The following CLASP1 variants were observed in gnomAD, a reference collection of about 807,000 sequenced individuals.
The protein encoded by CLASP1 is cytoplasmic linker associated protein 1, also known as CLIP-associating protein 1.
CLASP1 carries 38 observed loss-of-function variants against 192.3 expected under a neutral mutation model. The ratio of observed to expected loss-of-function variants is 0.20; its 90% CI spans 0.15 to 0.26. CLASP1 has a LOEUF of 0.26. Ranked by LOEUF, CLASP1 falls within the 10% of genes least tolerant of loss-of-function variation. The probability of loss-of-function intolerance (pLI) is 1.00; values close to 1 mark genes in which losing one functional copy is unlikely to be tolerated. For synonymous variants in CLASP1, 691 were observed against 712.8 expected, an observed-to-expected ratio of 0.97 and a Z score of 0.49; for missense variants, 1,433 against 1,932.5, an observed-to-expected ratio of 0.74 and a Z score of 4.85.
At chr2:121,609,095 G>T (rs1460127612) in intron 1 of CLASP1, among the ~76,000 whole-genome samples, 1 of 152,154 alleles carries the variant, frequency 6.6e-6, no homozygotes, top group African/African-American at 2.4e-5. Context: ...AACATTATTA[G>T]AAGTCTTAGC....
chr2:121,462,291 G>T (rs1332249007), intron 10 of CLASP1, among the ~76,000 whole-genome samples: 1 of 148,654 alleles, frequency 6.7e-6, no homozygotes. Flanking sequence ...TCTCTTTTAT[G>T]TGACCTGATC....
chr2:121,447,622 G>A (rs2084607649), intron 18 of CLASP1, 115 bp from the exon 19 acceptor site: 1 of 899,130 alleles, frequency 1.1e-6, no homozygotes, highest in Non-Finnish European at 1.7e-6. Flanking sequence ...TTTAACAAAT[G>A]CTGGAGCATA....
chr2:121,347,627 C>T (rs925957692), intron 38 of CLASP1, among the ~76,000 whole-genome samples: 3 of 152,224 alleles, frequency 2.0e-5, no homozygotes, highest in Non-Finnish European at 2.9e-5. Context: ...TGCTGGGGAA[C>T]GTCTGGTCCC....
intron 11 of CLASP1, among the ~76,000 whole-genome samples, chr2:121,460,785 C>CA (rs1370970275): frequency 6.6e-6 from 1 of 152,040 alleles, no homozygotes; most frequent in African/African-American, 2.4e-5. Flanking sequence ...AAAAATGCCA[C>CA]AAAAAAGCCA....
At chr2:121,466,052 TA>T (rs1233480143) in intron 9 of CLASP1, among the ~76,000 whole-genome samples, 2 of 151,992 alleles carry the variant, frequency 1.3e-5, no homozygotes, top group Non-Finnish European at 2.9e-5. Context: ...ACGTTAGACC[TA>T]AAAGTCTAGT....
exon 40 of CLASP1, chr2:121,340,726 G>T (rs2062685024): frequency 3.1e-6 from 2 of 653,814 alleles, no homozygotes; most frequent in Admixed American, 2.7e-5. Context: ...AGCTGGAAGG[G>T]ACCAAAATAC....
chr2:121,627,063 A>G (rs2068516118), intron 1 of CLASP1, among the ~76,000 whole-genome samples: 1 of 152,182 alleles, frequency 6.6e-6, no homozygotes, highest in South Asian at 2.1e-4. Flanking sequence ...CAGAGAGTTC[A>G]GTACATCCCA....
intron 6 of CLASP1, among the ~76,000 whole-genome samples, chr2:121,516,394 GCAGGATTTCAC>G (rs1262454409): frequency 6.6e-6 from 1 of 152,234 alleles, no homozygotes; most frequent in South Asian, 2.1e-4. Context: ...GCTTGGAACA[GCAGGATTTCAC>G]CAGGTCCAGA....
intron 1 of CLASP1, among the ~76,000 whole-genome samples, chr2:121,633,262 C>G (rs375408358): frequency 6.6e-6 from 1 of 152,114 alleles, no homozygotes; most frequent in African/African-American, 2.4e-5. Context: ...AATATACTTA[C>G]ATTCACTCAT....
At chr2:121,381,323 T>C (rs759479309) in intron 33 of CLASP1, among the ~76,000 whole-genome samples, 52 of 152,148 alleles carry the variant, frequency 3.4e-4, no homozygotes, top group Non-Finnish European at 5.9e-4. Context: ...TTTTAACCCT[T>C]TTCCTATCAC....
At chr2:121,500,376 GAAAGAAAGA>G (rs2093702178) in intron 8 of CLASP1, among the ~76,000 whole-genome samples, 3 of 94,672 alleles carry the variant, frequency 3.2e-5, no homozygotes, top group Admixed American at 2.1e-4. Context: ...AAGAAAGAAA[GAAAGAAAGA>G]AAGAAAGAAA....
At position 121,387,154 on chromosome 2, in the gene CLASP1, G is replaced by T. The variant is rs766519359; in HGVS notation, c.3342C>A (p.Pro1114=). 7 of 1,613,820 alleles carry T rather than the reference G, an allele frequency of 4.3e-6. No individual in the cohort carries two copies. In the East Asian group the frequency reaches 1.6e-4, roughly 36 times the overall value. Residue 1114 remains proline (P), a synonymous_variant, in exon 32 of 40, where the codon CCC becomes CCA. Coordinates refer to ENST00000263710, the Ensembl canonical transcript of CLASP1. ...ACAGACCCCCATGGGAACAGTTGGT[G>T]GGTGAGGTCAGGGGGCTGGTCCTGC...
chr2:121,588,964 G>T lies in CLASP1; in HGVS notation c.195+16737C>A, dbSNP rs546040975. On this transcript the variant is annotated intron_variant, in intron 2 of 39. Transcript: ENST00000263710. ...GTTTATGGGGATTGTTTGGGGATTT[G>T]TGATTGTTTTACTCCAAGCTGGGAA... is the stretch of plus-strand genomic sequence containing the variant. 2.0e-5 allele frequency among the ~76,000 whole-genome samples: 3 copies of T among 152,312 alleles called. No homozygotes were observed. In the South Asian group the frequency reaches 6.2e-4, roughly 32 times the overall value.
At chr2:121,388,006 A>T in intron 30 of CLASP1, 100 bp from the exon 32 acceptor site, 1 of 891,132 alleles carries the variant, frequency 1.1e-6, no homozygotes, top group Non-Finnish European at 1.7e-6. Flanking sequence ...AAAATCACTA[A>T]TAAGAGGGCA....
Position 121,494,075 on chromosome 2 carries a change from C to A in CLASP1, c.712+9092G>T, listed in dbSNP as rs186469295. Among the ~76,000 whole-genome samples the A allele has an allele frequency of 2.6e-5, 4 of 152,282 alleles. No homozygotes were observed. In the East Asian group the frequency reaches 5.8e-4, roughly 22 times the overall value. ...AAACACTAAAACTAGAACTACCATA[C>A]GATCCAGCAATCCCACTGCTAGGTA... On this transcript the variant is annotated intron_variant, in intron 8 of 39. Transcript: ENST00000263710.
At chr2:121,466,746 C>T (rs2089668088) in intron 9 of CLASP1, among the ~76,000 whole-genome samples, 1 of 152,208 alleles carries the variant, frequency 6.6e-6, no homozygotes, top group Admixed American at 6.5e-5. Flanking sequence ...TTTAATGCAA[C>T]ATCCATACTG....
chr2:121,400,680 G>T (rs1396628865), intron 28 of CLASP1, among the ~76,000 whole-genome samples: 1 of 152,226 alleles, frequency 6.6e-6, no homozygotes, highest in African/African-American at 2.4e-5. Flanking sequence ...CTGATAAAAT[G>T]AGCATCATCT....
chr2:121,345,122 G>A (rs1469728715), intron 39 of CLASP1, among the ~76,000 whole-genome samples: 2 of 152,202 alleles, frequency 1.3e-5, no homozygotes, highest in African/African-American at 2.4e-5. Flanking sequence ...ACTCCAGCCT[G>A]GGTGACAGAG....
intron 1 of CLASP1, among the ~76,000 whole-genome samples, chr2:121,628,908 C>T (rs2068915780): frequency 6.8e-6 from 1 of 147,384 alleles, no homozygotes; most frequent in Non-Finnish European, 1.5e-5. Context: ...AAAAAGTATA[C>T]CAAACTGAAC....
Sources: gnomAD v4.1 joint callset for allele counts (sites outside exome capture counted in the v4.1 genomes callset) on GRCh38, gnomAD v4.1.1 for gene constraint, MANE v1.5 for transcripts, NCBI Gene and HGNC (gene_info 2026-07-23, HGNC 2026-07-21) for gene names.